The following CCDC102B variants were observed in gnomAD, a reference collection of about 807,000 sequenced individuals.
CCDC102B encodes the protein coiled-coil domain containing 102B.
In CCDC102B, 75 loss-of-function variants were observed where a neutral mutation model predicts 57.4. The ratio of observed to expected loss-of-function variants is 1.31; its 90% CI spans 1.08 to 1.58. The LOEUF is 1.58. Among genes scored for constraint, CCDC102B ranks in the 40% most tolerant of loss-of-function variants. The pLI, the probability that CCDC102B is intolerant of heterozygous loss-of-function variation, is 0.00. For missense variants in CCDC102B, 636 were observed against 582.6 expected (o/e 1.09, Z -0.94); for synonymous variants, 206 against 201.9 (o/e 1.02, Z -0.17).
chr18:68,828,696 T>TC (rs2037015776), intron 1 of CCDC102B, among the ~76,000 whole-genome samples: 1 of 151,584 alleles, frequency 6.6e-6, no homozygotes, highest in Non-Finnish European at 1.5e-5. Context: ...GAAAAACAAT[T>TC]CAAATATATT....
At chr18:68,858,362 T>G (rs1039442707) in intron 4 of CCDC102B, among the ~76,000 whole-genome samples, 12 of 152,226 alleles carry the variant, frequency 7.9e-5, no homozygotes, top group African/African-American at 2.7e-4. Flanking sequence ...GATTGTAATG[T>G]ACATTTACAT....
At chr18:69,026,457 C>CAAAAA (rs547625543) in intron 7 of CCDC102B, among the ~76,000 whole-genome samples, 11 of 75,012 alleles carry the variant, frequency 1.5e-4, no homozygotes, top group African/African-American at 4.8e-4. Context: ...AACCCTGTCT[C>CAAAAA]AAAAAAAAAA....
chr18:68,869,761 A>G (rs2039157938), intron 4 of CCDC102B, among the ~76,000 whole-genome samples: 1 of 152,034 alleles, frequency 6.6e-6, no homozygotes. Flanking sequence ...TTTCATTGCA[A>G]TTGCTTTTGG....
chr18:68,898,177 A>G (rs1314159551), intron 6 of CCDC102B, among the ~76,000 whole-genome samples: 1 of 152,048 alleles, frequency 6.6e-6, no homozygotes, highest in African/African-American at 2.4e-5. Flanking sequence ...TTTTTCAATT[A>G]TATATAGCAT....
intron 6 of CCDC102B, among the ~76,000 whole-genome samples, chr18:68,988,099 G>A (rs1425533122): frequency 1.3e-5 from 2 of 152,108 alleles, no homozygotes; most frequent in African/African-American, 2.4e-5. Context: ...GCACGCATAT[G>A]TTCATTGCAG....
intron 6 of CCDC102B, among the ~76,000 whole-genome samples, chr18:68,930,979 G>A (rs1004500138): frequency 1.5e-4 from 22 of 151,710 alleles, no homozygotes; most frequent in African/African-American, 5.3e-4. Flanking sequence ...AACTGCTAGA[G>A]AATACTCTAT....
chr18:68,774,956 AAG>A (rs942349079), intron 2 of CCDC102B, among the ~76,000 whole-genome samples: 2 of 151,264 alleles, frequency 1.3e-5, no homozygotes, highest in African/African-American at 4.8e-5. Flanking sequence ...TTATACATAA[AAG>A]AGTTAAAATA....
chr18:68,876,569 C>G lies in CCDC102B; in HGVS notation c.1053+1784C>G, dbSNP rs150370267. Among the ~76,000 whole-genome samples the G allele has an allele frequency of 2.7e-3, 416 of 152,170 alleles. 1 individual carries two copies. The highest frequency in any genetic ancestry group is 5.3e-3 in the Non-Finnish European group (359 of 67,994). On this transcript the variant is annotated intron_variant, in intron 5 of 7. Transcript: ENST00000360242. The stretch of plus-strand genomic sequence containing the variant: ...GGTGTTGATCTGAATTGATTTAAAT[C>G]TCCTGTATCTCAATTCCTCTTATTG...
At chr18:68,810,489 A>G (rs564498703) in intron 1 of CCDC102B, among the ~76,000 whole-genome samples, 1 of 152,158 alleles carries the variant, frequency 6.6e-6, no homozygotes, top group South Asian at 2.1e-4. Flanking sequence ...TTTTCTCCCT[A>G]TGTGCCTTAA....
intron 6 of CCDC102B, among the ~76,000 whole-genome samples, chr18:68,992,077 T>A (rs944136970): frequency 2.0e-5 from 3 of 152,170 alleles, no homozygotes; most frequent in African/African-American, 7.2e-5. Flanking sequence ...ATTGTATCTT[T>A]TTTTTTTATC....
chr18:68,988,604 A>C (rs1024697566), intron 6 of CCDC102B, among the ~76,000 whole-genome samples: 1 of 152,194 alleles, frequency 6.6e-6, no homozygotes. Flanking sequence ...CTGGGTCAGC[A>C]AGAATGAACT....
chr18:68,814,208 A>G (rs907810221), intron 1 of CCDC102B, among the ~76,000 whole-genome samples: 1 of 152,116 alleles, frequency 6.6e-6, no homozygotes, highest in South Asian at 2.1e-4. Context: ...GGAGGAAAAC[A>G]TTTTTTCAAT....
intron 5 of CCDC102B, among the ~76,000 whole-genome samples, chr18:68,883,679 CA>C (rs912455314): frequency 6.6e-6 from 1 of 152,128 alleles, no homozygotes; most frequent in African/African-American, 2.4e-5. Flanking sequence ...TTACTGTCAA[CA>C]GGGGGATTTA....
intron 4 of CCDC102B, among the ~76,000 whole-genome samples, chr18:68,858,533 T>G (rs577592733): frequency 7.2e-5 from 11 of 152,324 alleles, no homozygotes; most frequent in Non-Finnish European, 1.5e-4. Flanking sequence ...ATTAGGTGGC[T>G]TGAAGTTCTC....
intron 5 of CCDC102B, among the ~76,000 whole-genome samples, chr18:68,877,348 C>T (rs1936240438): frequency 6.6e-6 from 1 of 152,170 alleles, no homozygotes; most frequent in Admixed American, 6.5e-5. Flanking sequence ...TTAGTGCCAA[C>T]CTCAACACAT....
At chr18:68,786,986 T>C (rs914055267) in intron 2 of CCDC102B, among the ~76,000 whole-genome samples, 24 of 152,254 alleles carry the variant, frequency 1.6e-4, no homozygotes, top group Admixed American at 1.4e-3. Context: ...GCTCTTATTA[T>C]TTTGAGATAC....
At chr18:68,760,519 C>T (rs1022877491) in intron 2 of CCDC102B, among the ~76,000 whole-genome samples, 1 of 152,088 alleles carries the variant, frequency 6.6e-6, no homozygotes, top group Non-Finnish European at 1.5e-5. Context: ...GTCATTGATA[C>T]ATTCATTTAG....
At chr18:68,808,468 C>CGTTTTTTTT (rs2036113998) in intron 1 of CCDC102B, among the ~76,000 whole-genome samples, 1 of 91,786 alleles carries the variant, frequency 1.1e-5, no homozygotes, top group Non-Finnish European at 2.0e-5. Context: ...GCTTTTACTA[C>CGTTTTTTTT]TTTTTTTTTT....
chr18:68,808,004 G>A (rs964350825), intron 1 of CCDC102B, among the ~76,000 whole-genome samples: 1 of 152,044 alleles, frequency 6.6e-6, no homozygotes, highest in African/African-American at 2.4e-5. Context: ...CGAATCAAAA[G>A]CTAACTTTTT....
Sources: gnomAD v4.1 joint callset for allele counts (sites outside exome capture counted in the v4.1 genomes callset) on GRCh38, gnomAD v4.1.1 for gene constraint, MANE v1.5 for transcripts, NCBI Gene and HGNC (gene_info 2026-07-23, HGNC 2026-07-21) for gene names.